BCL2L1: variants seen among roughly 807,000 people sequenced by gnomAD.
BCL2L1 encodes the protein BCL2 like 1.
Under a neutral mutation model 18.7 loss-of-function variants are expected in BCL2L1, and 1 was observed. The observed-to-expected ratio is 0.05, with a 90% CI of 0.02 to 0.25. BCL2L1 has a LOEUF of 0.25. Among genes scored for constraint, BCL2L1 ranks in the 10% least tolerant of loss-of-function variants. The pLI is 1.00. For synonymous variants in BCL2L1, 103 were observed against 122.7 expected (o/e 0.84, Z 1.06); for missense variants, 207 against 304.9 (o/e 0.68, Z 2.39).
intron 2 of BCL2L1, among the ~76,000 whole-genome samples, chr20:31,696,872 G>A (rs1429772384): frequency 3.3e-5 from 5 of 152,012 alleles, no homozygotes; most frequent in Non-Finnish European, 2.9e-5. Context: ...CCTGGCCAAC[G>A]TGGTCAAACT....
intron 2 of BCL2L1, among the ~76,000 whole-genome samples, chr20:31,691,286 G>A (rs2061069613): frequency 6.6e-6 from 1 of 150,530 alleles, no homozygotes; most frequent in Non-Finnish European, 1.5e-5. Context: ...GGCCAGGCAT[G>A]GAGGCTCACT....
intron 2 of BCL2L1, among the ~76,000 whole-genome samples, chr20:31,711,917 T>C (rs2061458541): frequency 1.3e-5 from 2 of 152,200 alleles, no homozygotes; most frequent in Admixed American, 1.3e-4. Context: ...ATCCCAGCTC[T>C]TCTTGGTACT....
In BCL2L1 at chr20:31,665,193, G is replaced by A; in HGVS notation, c.*756C>T. 1 of 173,000 alleles carries A rather than the reference G, an allele frequency of 5.8e-6. No homozygotes were observed. The highest frequency in any genetic ancestry group is 1.3e-5 in the Non-Finnish European group (1 of 79,590). 10.7% of individuals were successfully genotyped at this position (173,000 alleles called of 1,614,324 possible). A position where few individuals can be genotyped will look rare whatever the true frequency, so the allele number is the denominator to read the frequency against. ...TTGGGCCCAGTTGGTCCCTCAGTAT[G>A]GTCATGGGAGCCAGGGAGGGGAAGG... On this transcript the variant is annotated 3_prime_UTR_variant, in exon 3 of 3. Coordinates refer to ENST00000307677, the MANE Select transcript of BCL2L1 (RefSeq NM_138578.3).
chr20:31,685,198 C>A (rs898431740), intron 2 of BCL2L1, among the ~76,000 whole-genome samples: 7 of 151,888 alleles, frequency 4.6e-5, no homozygotes, highest in Non-Finnish European at 1.0e-4. Flanking sequence ...GTCAGGAGAT[C>A]AAGACCATCC....
intron 2 of BCL2L1, among the ~76,000 whole-genome samples, chr20:31,684,041 C>T (rs1158310765): frequency 1.3e-5 from 2 of 152,150 alleles, no homozygotes; most frequent in East Asian, 3.9e-4. Context: ...AGATCCTGGT[C>T]TAACACCTTT....
At position 31,664,813 on chromosome 20, in the gene BCL2L1, AG is replaced by A. The variant is rs1196434090; in HGVS notation, c.*1135del. 12 of 222,028 alleles carry A rather than the reference AG, an allele frequency of 5.4e-5. No homozygotes were observed. The East Asian group carries it at 7.8e-4, about 14-fold the overall frequency. 13.8% of individuals were successfully genotyped at this position (222,028 alleles called of 1,614,324 possible). On this transcript the variant is annotated 3_prime_UTR_variant, in exon 3 of 3. Transcript: ENST00000307677. ...GGACCCCTGGGGATGAGACAGGCCA[AG>A]GGTGGAGCAGAAGAGAGAGGGAGGC... is the stretch of plus-strand genomic sequence containing the variant.
chr20:31,710,526 C>T (rs1025895344), intron 2 of BCL2L1, among the ~76,000 whole-genome samples: 1 of 152,216 alleles, frequency 6.6e-6, no homozygotes, highest in Non-Finnish European at 1.5e-5. Context: ...ACCCTTTCCA[C>T]TGTTGATGCA....
intron 2 of BCL2L1, among the ~76,000 whole-genome samples, chr20:31,714,086 C>G (rs1338308065): frequency 6.6e-6 from 1 of 152,198 alleles, no homozygotes. Context: ...ACTAGCCTGC[C>G]TTGACACTGG....
chr20:31,697,683 C>T (rs188391331), intron 2 of BCL2L1, among the ~76,000 whole-genome samples: 1 of 152,096 alleles, frequency 6.6e-6, no homozygotes, highest in East Asian at 1.9e-4. Flanking sequence ...ATGATCTGCC[C>T]ACCTCATCCT....
At chr20:31,713,164 T>C in intron 2 of BCL2L1, 2 of 747,256 alleles carry the variant, frequency 2.7e-6, no homozygotes, top group Non-Finnish European at 3.3e-6. Flanking sequence ...CTGAAACTGC[T>C]AATGCGTGAT....
rs182375441 is a variant in BCL2L1 at position 31,699,810 on chromosome 20, G to A, written c.564+21845C>T. On this transcript the variant is annotated intron_variant, in intron 2 of 2. Transcript: ENST00000307677. ...ATGGACCATTTAGCACACAGTCTAG[G>A]TGAGGGAATTAAATGAGAAAATGCA... Among the ~76,000 whole-genome samples the A allele has an allele frequency of 2.7e-3, 415 of 152,308 alleles. 1 individual carries two copies. The highest frequency in any genetic ancestry group is 9.7e-3 in the African/African-American group (404 of 41,578).
At chr20:31,694,516 G>C (rs746731043) in intron 2 of BCL2L1, among the ~76,000 whole-genome samples, 3 of 152,092 alleles carry the variant, frequency 2.0e-5, no homozygotes, top group African/African-American at 4.8e-5. Context: ...CTTGGAGGGC[G>C]GGCTCCTTGA....
chr20:31,683,737 C>T (rs1443864730), intron 2 of BCL2L1, among the ~76,000 whole-genome samples: 2 of 131,006 alleles, frequency 1.5e-5, no homozygotes, highest in African/African-American at 2.8e-5. Flanking sequence ...CCACTGCACT[C>T]CAGCCTGGGC....
At chr20:31,695,939 T>C (rs568272011) in intron 2 of BCL2L1, among the ~76,000 whole-genome samples, 16 of 152,292 alleles carry the variant, frequency 1.1e-4, no homozygotes, top group African/African-American at 3.6e-4. Flanking sequence ...CACTAAATAC[T>C]ACCTCACATG....
chr20:31,687,195 C>T (rs1410941971), intron 2 of BCL2L1, among the ~76,000 whole-genome samples: 1 of 152,156 alleles, frequency 6.6e-6, no homozygotes, highest in Non-Finnish European at 1.5e-5. Context: ...CTGTACCTTA[C>T]AGCATCTTGC....
At chr20:31,688,585 G>T in intron 2 of BCL2L1, among the ~76,000 whole-genome samples, 1 of 152,208 alleles carries the variant, frequency 6.6e-6, no homozygotes. Context: ...GGTACCCACT[G>T]CTGTGGGCCC....
At chr20:31,723,756 GGGGGCCACATCCC>G, upstream of BCL2L1, 1 of 985,388 alleles carries the variant, frequency 1.0e-6, no homozygotes, top group Non-Finnish European at 1.2e-6. Flanking sequence ...GCGAGCCGTG[GGGGGCCACATCCC>G]CCTTCATCGG....
intron 2 of BCL2L1, among the ~76,000 whole-genome samples, chr20:31,669,206 C>T (rs1401461090): frequency 2.6e-5 from 4 of 151,954 alleles, no homozygotes; most frequent in East Asian, 1.9e-4. Context: ...TACAGGCACA[C>T]ACCACCATGC....
intron 2 of BCL2L1, among the ~76,000 whole-genome samples, chr20:31,709,996 CTT>C (rs2122769287): frequency 6.6e-6 from 1 of 152,278 alleles, no homozygotes; most frequent in South Asian, 2.1e-4. Context: ...ACAGCCTGCT[CTT>C]GTTACATTCT....
Sources: gnomAD v4.1 joint callset for allele counts (sites outside exome capture counted in the v4.1 genomes callset) on GRCh38, gnomAD v4.1.1 for gene constraint, MANE v1.5 for transcripts, NCBI Gene and HGNC (gene_info 2026-07-23, HGNC 2026-07-21) for gene names.